The following GALNT17 variants were observed in gnomAD, a reference collection of about 807,000 sequenced individuals.
GALNT17 encodes polypeptide N-acetylgalactosaminyltransferase 17.
In GALNT17, 29 loss-of-function variants were observed where a neutral mutation model predicts 63.7. The ratio of observed to expected loss-of-function variants is 0.46; its 90% CI spans 0.34 to 0.62. The LOEUF (loss-of-function observed/expected upper bound fraction) is 0.62, where lower values mean the gene tolerates loss of function less well. GALNT17 is among the 20% of genes least tolerant of loss of function. The pLI is 0.01. For synonymous variants in GALNT17, 305 were observed against 318.3 expected (o/e 0.96, Z 0.45); for missense variants, 603 against 799.6 (o/e 0.75, Z 2.97).
chr7:71,523,253 C>T (rs917332998), intron 5 of GALNT17, among the ~76,000 whole-genome samples: 1 of 152,042 alleles, frequency 6.6e-6, no homozygotes, highest in African/African-American at 2.4e-5. Context: ...AGCAAGACCC[C>T]ATCTCTACAA....
chr7:71,227,762 A>T (rs936601774), intron 1 of GALNT17, among the ~76,000 whole-genome samples: 7 of 152,194 alleles, frequency 4.6e-5, no homozygotes, highest in African/African-American at 1.4e-4. Context: ...GCAGCCATGA[A>T]TTTTTTTATG....
At chr7:71,398,044 C>G (rs1043004820) in intron 3 of GALNT17, among the ~76,000 whole-genome samples, 1 of 151,958 alleles carries the variant, frequency 6.6e-6, no homozygotes, top group Non-Finnish European at 1.5e-5. Flanking sequence ...TTTCTGGAAG[C>G]CTGTAGAGTC....
chr7:71,295,743 T>C (rs1791067402), intron 1 of GALNT17, among the ~76,000 whole-genome samples: 1 of 151,898 alleles, frequency 6.6e-6, no homozygotes. Flanking sequence ...GAACTACAGG[T>C]GCACACCATC....
intron 2 of GALNT17, among the ~76,000 whole-genome samples, chr7:71,336,930 G>A (rs563647008): frequency 2.0e-5 from 3 of 152,206 alleles, no homozygotes; most frequent in South Asian, 2.1e-4. Flanking sequence ...CTACAATGGC[G>A]GAACTAATTT....
intron 6 of GALNT17, among the ~76,000 whole-genome samples, chr7:71,659,135 G>C (rs961800017): frequency 6.6e-6 from 1 of 152,134 alleles, no homozygotes; most frequent in African/African-American, 2.4e-5. Flanking sequence ...TGCCTGGTGT[G>C]GACCCTGCCT....
chr7:71,515,853 A>G (rs978278305), intron 5 of GALNT17, among the ~76,000 whole-genome samples: 4 of 152,120 alleles, frequency 2.6e-5, no homozygotes, highest in Admixed American at 2.0e-4. Context: ...GGTTTTGAGG[A>G]CTTCAATATT....
intron 5 of GALNT17, among the ~76,000 whole-genome samples, chr7:71,482,079 ATATGTGTGTGTG>A (rs1480398610): frequency 8.0e-5 from 11 of 136,876 alleles, no homozygotes; most frequent in South Asian, 2.5e-4. Flanking sequence ...ACATATATGT[ATATGTGTGTGTG>A]TGTGTGTGTG....
chr7:71,319,637 T>C (rs1791567415), intron 1 of GALNT17, among the ~76,000 whole-genome samples: 2 of 152,216 alleles, frequency 1.3e-5, no homozygotes, highest in Admixed American at 1.3e-4. Flanking sequence ...TCCAATGTTG[T>C]ATGTCCCAAC....
intron 2 of GALNT17, among the ~76,000 whole-genome samples, chr7:71,369,071 G>A (rs565888007): frequency 3.9e-5 from 6 of 152,256 alleles, no homozygotes; most frequent in South Asian, 2.1e-4. Flanking sequence ...TCCTGGGAGG[G>A]GAATCAGTAT....
At position 71,671,393 on chromosome 7, in the gene GALNT17, AT is replaced by A. The variant is rs755770970; in HGVS notation, c.1404+1289del. 2.0e-4 allele frequency among the ~76,000 whole-genome samples: 31 copies of A among 152,254 alleles called. 1 individual carries two copies. The highest frequency in any genetic ancestry group is 6.8e-3 in the Middle Eastern group (2 of 294). ...ATCCCTTTGACTTAGGAGTATTTAC[AT>A]TTTTCTACAACTGTGGATTTTCCTA... On this transcript the variant is annotated intron_variant, in intron 8 of 10. Transcript: ENST00000333538.
chr7:71,712,158 T>C lies in GALNT17; in HGVS notation c.*12T>C, dbSNP rs1791804260. 1 of 1,609,084 alleles carries C rather than the reference T, an allele frequency of 6.2e-7. No homozygotes were observed. The highest frequency in any genetic ancestry group is 1.3e-5 in the African/African-American group (1 of 74,752). ...ACTCCATCAAGTAGAGGGAGGGAGC[T>C]GGGGCACTGGAGCCTGGCCCCCAGG... On this transcript the variant is annotated 3_prime_UTR_variant, in exon 11 of 11. Coordinates refer to ENST00000333538, the MANE Select transcript of GALNT17 (RefSeq NM_022479.3).
intron 9 of GALNT17, among the ~76,000 whole-genome samples, chr7:71,681,950 A>G (rs1791272452): frequency 6.6e-6 from 1 of 152,054 alleles, no homozygotes; most frequent in Non-Finnish European, 1.5e-5. Context: ...GTTTTCAGAC[A>G]GAGTCTCGCT....
intron 1 of GALNT17, among the ~76,000 whole-genome samples, chr7:71,251,150 A>G (rs1023251734): frequency 6.6e-6 from 1 of 151,300 alleles, no homozygotes; most frequent in African/African-American, 2.4e-5. Flanking sequence ...TATATCTCCT[A>G]ATGCTATCCC....
At chr7:71,597,287 C>A (rs1562705001) in intron 6 of GALNT17, among the ~76,000 whole-genome samples, 1 of 152,154 alleles carries the variant, frequency 6.6e-6, no homozygotes, top group African/African-American at 2.4e-5. Flanking sequence ...GATCCACCTG[C>A]CTCAGCCTAC....
At chr7:71,660,718 G>A (rs191784300) in intron 6 of GALNT17, among the ~76,000 whole-genome samples, 1 of 152,312 alleles carries the variant, frequency 6.6e-6, no homozygotes, top group African/African-American at 2.4e-5. Context: ...CCTCCATAGG[G>A]GACTTAGCTG....
intron 1 of GALNT17, among the ~76,000 whole-genome samples, chr7:71,151,387 C>T (rs1049966545): frequency 2.6e-5 from 4 of 151,780 alleles, no homozygotes; most frequent in African/African-American, 4.8e-5. Context: ...TTTGGGAGGC[C>T]GAGGCGGGCA....
chr7:71,634,248 A>G (rs1790496992), intron 6 of GALNT17, among the ~76,000 whole-genome samples: 1 of 152,182 alleles, frequency 6.6e-6, no homozygotes, highest in African/African-American at 2.4e-5. Flanking sequence ...GGGGAGTGCC[A>G]TGGTCAGATT....
chr7:71,642,722 C>A (rs979263113), intron 6 of GALNT17, among the ~76,000 whole-genome samples: 3 of 152,072 alleles, frequency 2.0e-5, no homozygotes, highest in African/African-American at 7.2e-5. Context: ...GTAATCCCAG[C>A]TACTGGGGAG....
chr7:71,451,967 T>G (rs926659943), intron 5 of GALNT17, among the ~76,000 whole-genome samples: 4 of 152,152 alleles, frequency 2.6e-5, no homozygotes, highest in African/African-American at 9.7e-5. Context: ...CCCAACACTT[T>G]TGGAGGCCAA....
Sources: gnomAD v4.1 joint callset for allele counts (sites outside exome capture counted in the v4.1 genomes callset) on GRCh38, gnomAD v4.1.1 for gene constraint, MANE v1.5 for transcripts, NCBI Gene and HGNC (gene_info 2026-07-23, HGNC 2026-07-21) for gene names.